The following MAGI1 variants were observed in gnomAD, a reference collection of about 807,000 sequenced individuals.
The protein encoded by MAGI1 is membrane-associated guanylate kinase, WW and PDZ domain-containing protein 1.
MAGI1 carries 58 observed loss-of-function variants against 139.9 expected under a neutral mutation model. The ratio of observed to expected loss-of-function variants is 0.41; its 90% CI spans 0.34 to 0.52. MAGI1 has a LOEUF of 0.52. MAGI1 is among the 20% of genes least tolerant of loss of function. The probability of loss-of-function intolerance (pLI) is 0.12; values close to 1 mark genes in which losing one functional copy is unlikely to be tolerated. For missense variants in MAGI1, 1,874 were observed against 1,901.6 expected (o/e 0.99, Z 0.27); for synonymous variants, 812 against 737.9 (o/e 1.10, Z -1.63).
intron 2 of MAGI1, among the ~76,000 whole-genome samples, chr3:65,579,485 G>A (rs1385355498): frequency 1.3e-5 from 2 of 152,168 alleles, no homozygotes; most frequent in Admixed American, 6.5e-5. Flanking sequence ...AGTCACAAAT[G>A]TCTGTTCTTA....
At chr3:65,891,890 A>T (rs2060771563) in intron 1 of MAGI1, among the ~76,000 whole-genome samples, 1 of 1,300 alleles carries the variant, frequency 7.7e-4, no homozygotes, top group African/African-American at 1.7e-3. Context: ...AGTATAATAT[A>T]TATATATATA....
chr3:65,997,902 T>A (rs2066538696), intron 1 of MAGI1, among the ~76,000 whole-genome samples: 1 of 152,024 alleles, frequency 6.6e-6, no homozygotes, highest in African/African-American at 2.4e-5. Flanking sequence ...CTCCTGCCTG[T>A]AATCCCAGCA....
At chr3:65,750,321 T>A (rs1178223735) in intron 1 of MAGI1, among the ~76,000 whole-genome samples, 1 of 152,096 alleles carries the variant, frequency 6.6e-6, no homozygotes, top group South Asian at 2.1e-4. Context: ...AGGGAACAAG[T>A]ACCAGGGATT....
At position 65,967,271 on chromosome 3, in the gene MAGI1, C is replaced by A. The variant is rs72908954; in HGVS notation, c.313+70725G>T. ...TCAGTGGCAGAATCTAAGTAGCGGG[C>A]ATACAGGTGTTTGCTAAAAAATTCT... On this transcript the variant is annotated intron_variant, in intron 1 of 22. Transcript: ENST00000402939. 7.3e-3 allele frequency among the ~76,000 whole-genome samples: 1,107 copies of A among 152,262 alleles called. 37 individuals carry two copies. The East Asian group carries it at 0.1, about 14-fold the overall frequency.
chr3:66,037,556 T>C (rs144870606), intron 1 of MAGI1, among the ~76,000 whole-genome samples: 69 of 152,146 alleles, frequency 4.5e-4, no homozygotes, highest in African/African-American at 1.5e-3. Flanking sequence ...GGAGGTCCAA[T>C]AAACTACAGA....
intron 18 of MAGI1, among the ~76,000 whole-genome samples, chr3:65,367,201 T>G (rs1941509498): frequency 6.6e-6 from 1 of 152,260 alleles, no homozygotes; most frequent in Admixed American, 6.5e-5. Flanking sequence ...AAAGTGATTA[T>G]AATGATTGAA....
intron 9 of MAGI1, 148 bp from the exon 10 acceptor site, chr3:65,437,395 T>C (rs980494121): frequency 1.3e-5 from 5 of 391,824 alleles, no homozygotes; most frequent in Non-Finnish European, 2.1e-5. Flanking sequence ...GACCTCATTC[T>C]ATGAAGCTCT....
At chr3:65,708,758 T>G (rs1224605927) in intron 1 of MAGI1, among the ~76,000 whole-genome samples, 4 of 152,150 alleles carry the variant, frequency 2.6e-5, no homozygotes, top group Non-Finnish European at 5.9e-5. Context: ...TAGCATTATA[T>G]CTCTTCTGGT....
At chr3:65,380,396 G>A (rs1005098522) in intron 16 of MAGI1, among the ~76,000 whole-genome samples, 1 of 152,178 alleles carries the variant, frequency 6.6e-6, no homozygotes, top group Non-Finnish European at 1.5e-5. Flanking sequence ...TAAGCATACA[G>A]TTGAGTGGTA....
chr3:65,589,905 G>A (rs1037019035), intron 2 of MAGI1, among the ~76,000 whole-genome samples: 3 of 151,504 alleles, frequency 2.0e-5, no homozygotes, highest in Non-Finnish European at 4.4e-5. Context: ...TCACCTTCAG[G>A]ATAAGTTCCA....
At chr3:65,847,290 T>C (rs959713080) in intron 1 of MAGI1, among the ~76,000 whole-genome samples, 1 of 152,178 alleles carries the variant, frequency 6.6e-6, no homozygotes. Context: ...GATGGCTCAA[T>C]GCTTTAGAAT....
At chr3:65,587,479 C>CTTTT (rs755825684) in intron 2 of MAGI1, among the ~76,000 whole-genome samples, 15 of 109,498 alleles carry the variant, frequency 1.4e-4, no homozygotes, top group East Asian at 2.5e-4. Context: ...TTACTTTTTT[C>CTTTT]TTTTTTTTTT....
chr3:65,973,287 A>G (rs2065097700), intron 1 of MAGI1, among the ~76,000 whole-genome samples: 1 of 152,212 alleles, frequency 6.6e-6, no homozygotes, highest in African/African-American at 2.4e-5. Context: ...TATGAGATAA[A>G]GTAAATTTTT....
chr3:65,430,617 AAAC>A (rs1947386444), intron 11 of MAGI1, 79 bp downstream of exon 11: 6 of 1,478,908 alleles, frequency 4.1e-6, no homozygotes, highest in South Asian at 1.2e-5. Context: ...TTGCTCAAAC[AAAC>A]AACATCATGA....
chr3:65,779,615 C>T (rs1415171523), intron 1 of MAGI1, among the ~76,000 whole-genome samples: 1 of 152,188 alleles, frequency 6.6e-6, no homozygotes, highest in African/African-American at 2.4e-5. Context: ...TAGCCTCTGC[C>T]CCTTCCCAGA....
chr3:65,582,741 G>A (rs1318508978), intron 2 of MAGI1, among the ~76,000 whole-genome samples: 3 of 152,158 alleles, frequency 2.0e-5, no homozygotes, highest in African/African-American at 4.8e-5. Context: ...CACCTCAGCA[G>A]TCATCTACTC....
chr3:65,488,158 A>G (rs570803797), intron 3 of MAGI1, among the ~76,000 whole-genome samples: 119 of 152,198 alleles, frequency 7.8e-4, no homozygotes, highest in Non-Finnish European at 1.5e-3. Flanking sequence ...CTGTGGATTC[A>G]GGCCCCATGG....
At chr3:65,498,931 T>G (rs958023981) in intron 2 of MAGI1, 3 of 851,258 alleles carry the variant, frequency 3.5e-6, no homozygotes, top group African/African-American at 3.7e-5. Context: ...CATGAGAATA[T>G]CTGAGTTGCC....
In MAGI1 at chr3:65,439,971, T is replaced by A; in HGVS notation, c.1178A>T (p.Glu393Val). ...RKTQYENPVL[E>V]AKRKKQLEQQ... The stretch of plus-strand genomic sequence containing the variant: ...CTCAAGCTGCTTCTTCCGTTTGGCT[T>A]CTAGAACCGGGTTCTCATATTGTGT... Residue 393 changes from glutamate to valine, a missense_variant, in exon 9 of 23, where the codon GAA becomes GTA. Transcript: ENST00000402939. The A allele has an allele frequency of 6.2e-7, 1 of 1,614,102 alleles. No homozygotes were observed. The highest frequency in any genetic ancestry group is 8.5e-7 in the Non-Finnish European group (1 of 1,180,008).
Sources: gnomAD v4.1 joint callset for allele counts (sites outside exome capture counted in the v4.1 genomes callset) on GRCh38, gnomAD v4.1.1 for gene constraint, MANE v1.5 for transcripts, NCBI Gene and HGNC (gene_info 2026-07-23, HGNC 2026-07-21) for gene names.